The following GULP1 variants were observed in gnomAD, a reference collection of about 807,000 sequenced individuals.
GULP1 encodes the protein PTB domain-containing engulfment adapter protein 1.
Under a neutral mutation model 40.9 loss-of-function variants are expected in GULP1, and 19 were observed. The observed-to-expected ratio is 0.46, with a 90% CI of 0.32 to 0.68. GULP1 has a LOEUF of 0.68. Among genes scored for constraint, GULP1 ranks in the 30% least tolerant of loss-of-function variants. The pLI is 0.03. For missense variants in GULP1, 312 were observed against 362.2 expected, an observed-to-expected ratio of 0.86 and a Z score of 1.12; for synonymous variants, 119 against 117.6, an observed-to-expected ratio of 1.01 and a Z score of -0.08.
At chr2:188,432,992 T>A (rs1199749811) in intron 2 of GULP1, among the ~76,000 whole-genome samples, 2 of 152,106 alleles carry the variant, frequency 1.3e-5, no homozygotes, top group African/African-American at 4.8e-5. Flanking sequence ...ATGTAAAAGA[T>A]TGGGTCCAAA....
At chr2:188,437,843 A>G (rs956866249) in intron 2 of GULP1, among the ~76,000 whole-genome samples, 1 of 152,120 alleles carries the variant, frequency 6.6e-6, no homozygotes, top group Admixed American at 6.5e-5. Flanking sequence ...AATACCGCAT[A>G]TTCTCACTTA....
rs555137039 is a variant in GULP1, at chr2:188,302,578, T to C, written c.-172+10412T>C. On this transcript the variant is annotated intron_variant, in intron 1 of 11. Coordinates refer to ENST00000409830, the MANE Select transcript of GULP1 (RefSeq NM_016315.4). ...ATTTTAAAAAATGGTAAACTATAGT[T>C]CCACTCACAGAGGTATAAAAAAATA... is the stretch of plus-strand genomic sequence containing the variant. Among the ~76,000 whole-genome samples, 34 of 152,230 alleles carry C rather than the reference T, an allele frequency of 2.2e-4. 2 individuals carry two copies. In the South Asian group the frequency reaches 6.0e-3, roughly 27 times the overall value.
At chr2:188,473,212 T>C (rs2060737370) in intron 2 of GULP1, among the ~76,000 whole-genome samples, 1 of 152,070 alleles carries the variant, frequency 6.6e-6, no homozygotes, top group South Asian at 2.1e-4. Flanking sequence ...TGGAGTGACA[T>C]ACTGTGTTGG....
At chr2:188,514,679 G>T (rs992134451) in intron 4 of GULP1, among the ~76,000 whole-genome samples, 9 of 152,030 alleles carry the variant, frequency 5.9e-5, no homozygotes, top group Non-Finnish European at 1.2e-4. Flanking sequence ...AAGACATAAA[G>T]TTGCAAAACA....
At chr2:188,313,807 A>C (rs942328079) in intron 1 of GULP1, among the ~76,000 whole-genome samples, 3 of 151,464 alleles carry the variant, frequency 2.0e-5, no homozygotes, top group Non-Finnish European at 4.4e-5. Context: ...TATTTTATTG[A>C]GAATTGGTAT....
At chr2:188,335,831 A>G (rs1175906046) in intron 1 of GULP1, among the ~76,000 whole-genome samples, 1 of 152,230 alleles carries the variant, frequency 6.6e-6, no homozygotes, top group East Asian at 1.9e-4. Context: ...TTCAACTTGT[A>G]TGTAACACAT....
chr2:188,311,580 G>A (rs1422621998), intron 1 of GULP1, among the ~76,000 whole-genome samples: 2 of 152,052 alleles, frequency 1.3e-5, no homozygotes, highest in Non-Finnish European at 2.9e-5. Context: ...TTTAAAAGAA[G>A]TAGAGATACC....
At chr2:188,461,888 T>C (rs2059736973) in intron 2 of GULP1, among the ~76,000 whole-genome samples, 1 of 152,162 alleles carries the variant, frequency 6.6e-6, no homozygotes, top group Non-Finnish European at 1.5e-5. Context: ...AAAATAGTCT[T>C]TCATTGCTTT....
chr2:188,406,067 T>C (rs1230077568), intron 2 of GULP1, among the ~76,000 whole-genome samples: 9 of 152,218 alleles, frequency 5.9e-5, no homozygotes, highest in African/African-American at 2.2e-4. Flanking sequence ...TTCATCCTTG[T>C]ATGAACATCA....
chr2:188,453,388 C>T (rs1275832914), intron 2 of GULP1, among the ~76,000 whole-genome samples: 1 of 152,012 alleles, frequency 6.6e-6, no homozygotes, highest in Non-Finnish European at 1.5e-5. Context: ...CTTTTGCCCC[C>T]TTTAGGCCTT....
At chr2:188,576,329 G>A (rs1700180621) in intron 9 of GULP1, among the ~76,000 whole-genome samples, 1 of 151,978 alleles carries the variant, frequency 6.6e-6, no homozygotes, top group Non-Finnish European at 1.5e-5. Flanking sequence ...GTCACTGTGA[G>A]CTTATGTAAT....
chr2:188,330,236 A>G (rs960388887), intron 1 of GULP1, among the ~76,000 whole-genome samples: 1 of 152,200 alleles, frequency 6.6e-6, no homozygotes, highest in African/African-American at 2.4e-5. Flanking sequence ...TTATAAAAAT[A>G]AACTTATCTA....
At chr2:188,592,620 G>A (rs1703793170) in intron 11 of GULP1, 2 of 151,946 alleles carry the variant, frequency 1.3e-5, no homozygotes, top group Non-Finnish European at 2.9e-5. Flanking sequence ...CTATATAGTA[G>A]TAGTCTCTGT....
rs1459756329 is a variant in GULP1 at position 188,593,711 on chromosome 2, T to C, written c.844-229T>C. 8 of 337,554 alleles carry C rather than the reference T, an allele frequency of 2.4e-5. No individual in the cohort carries two copies. In the South Asian group the frequency reaches 8.9e-4, roughly 38 times the overall value. The allele number at this position is 337,554 out of a possible 1,614,324, so 20.9% of individuals were successfully genotyped here. On this transcript the variant is annotated intron_variant, in intron 11 of 11. Transcript: ENST00000409830. ...TTTATGTTTTCTCTTCTGTCTCTCA[T>C]GCATGCTAACCTCACATAGATTTAA...
At chr2:188,411,507 A>G (rs1395588726) in intron 2 of GULP1, among the ~76,000 whole-genome samples, 6 of 152,136 alleles carry the variant, frequency 3.9e-5, no homozygotes, top group Admixed American at 3.3e-4. Flanking sequence ...GGCTGGGGAA[A>G]TAGGCTGAGT....
At chr2:188,580,055 A>C (rs1700946940) in intron 9 of GULP1, among the ~76,000 whole-genome samples, 1 of 152,230 alleles carries the variant, frequency 6.6e-6, no homozygotes, top group South Asian at 2.1e-4. Context: ...TAAATTAGAC[A>C]ATAAATATCA....
At chr2:188,533,032 A>G (rs909164354) in intron 6 of GULP1, among the ~76,000 whole-genome samples, 2 of 152,188 alleles carry the variant, frequency 1.3e-5, no homozygotes, top group South Asian at 2.1e-4. Context: ...GACCACTTGA[A>G]GAAGAAACCT....
At chr2:188,446,958 C>G (rs1271282861) in intron 2 of GULP1, among the ~76,000 whole-genome samples, 1 of 151,952 alleles carries the variant, frequency 6.6e-6, no homozygotes, top group African/African-American at 2.4e-5. Flanking sequence ...ATGACACAGC[C>G]CTCAGGAGAC....
At position 188,441,576 on chromosome 2, in the gene GULP1, G is replaced by A. The variant is rs2057938725; in HGVS notation, c.-44-36083G>A. On this transcript the variant is annotated intron_variant, in intron 2 of 11. Coordinates refer to ENST00000409830, the MANE Select transcript of GULP1 (RefSeq NM_016315.4). ...CTTTGTAAGGGGTGTTTGCATTCAGGCTCAAATGCCTAGCCACAGTGAATC... is the reference window on the plus strand; with the variant it reads ...CTTTGTAAGGGGTGTTTGCATTCAGACTCAAATGCCTAGCCACAGTGAATC... 2.6e-5 allele frequency among the ~76,000 whole-genome samples: 4 copies of A among 152,124 alleles called. No individual in the cohort carries two copies. In the South Asian group the frequency reaches 8.3e-4, roughly 31 times the overall value.
Sources: allele counts gnomAD v4.1 joint callset (sites outside exome capture counted in the v4.1 genomes callset), GRCh38; gene constraint gnomAD v4.1.1; transcripts MANE v1.5; gene names NCBI Gene and HGNC (gene_info 2026-07-23, HGNC 2026-07-21).